PPIP5K2: variants seen among roughly 807,000 people sequenced by gnomAD.
The protein encoded by PPIP5K2 is diphosphoinositol pentakisphosphate kinase 2, also known as inositol hexakisphosphate and diphosphoinositol-pentakisphosphate kinase 2.
Under a neutral mutation model 154.6 loss-of-function variants are expected in PPIP5K2, and 105 were observed. The ratio of observed to expected loss-of-function variants is 0.68; its 90% CI spans 0.58 to 0.80. The LOEUF (loss-of-function observed/expected upper bound fraction) is 0.80, where lower values mean the gene tolerates loss of function less well. Among genes scored for constraint, PPIP5K2 ranks in the 30% least tolerant of loss-of-function variants. The probability of loss-of-function intolerance (pLI) is 0.00; values close to 1 mark genes in which losing one functional copy is unlikely to be tolerated. For synonymous variants in PPIP5K2, 480 were observed against 490.3 expected (o/e 0.98, Z 0.28); for missense variants, 992 against 1,504.6 (o/e 0.66, Z 5.64).
intron 8 of PPIP5K2, among the ~76,000 whole-genome samples, chr5:103,150,182 TTAAATAA>T (rs1489684690): frequency 6.6e-6 from 1 of 152,242 alleles, no homozygotes; most frequent in Non-Finnish European, 1.5e-5. Flanking sequence ...TTACTGGTTG[TTAAATAA>T]TAAATAATTA....
intron 3 of PPIP5K2, 124 bp downstream of exon 3, chr5:103,133,772 T>A: frequency 1.4e-6 from 1 of 697,646 alleles, no homozygotes; most frequent in Non-Finnish European, 2.1e-6. Flanking sequence ...GGACAGGTAA[T>A]ATTAACATTG....
chr5:103,142,090 G>C (rs1226290130), intron 5 of PPIP5K2, among the ~76,000 whole-genome samples: 2 of 152,210 alleles, frequency 1.3e-5, no homozygotes, highest in Admixed American at 6.5e-5. Flanking sequence ...AGGGGGTGGT[G>C]CTCGTTGGGG....
intron 6 of PPIP5K2, 23 bp from the exon 7 acceptor site, chr5:103,147,908 C>A: frequency 1.4e-6 from 2 of 1,457,696 alleles, no homozygotes; most frequent in South Asian, 1.3e-5. Context: ...TTTTTTATAT[C>A]GATGGACATC....
At chr5:103,178,124 A>G (rs1264246430) in intron 23 of PPIP5K2, 144 bp downstream of exon 23, 51 of 633,504 alleles carry the variant, frequency 8.1e-5, no homozygotes, top group Non-Finnish European at 1.3e-4. Context: ...TTAAAGTGTG[A>G]TTTGTATAGA....
intron 9 of PPIP5K2, among the ~76,000 whole-genome samples, chr5:103,152,030 T>C (rs929755955): frequency 1.8e-4 from 28 of 152,032 alleles, no homozygotes; most frequent in Non-Finnish European, 3.8e-4. Flanking sequence ...ACTGGTTAAG[T>C]ATCCCTTATC....
At position 103,202,484 on chromosome 5, in the gene PPIP5K2, A is replaced by G. The variant is rs1803166042; in HGVS notation, c.*850A>G. 6.6e-6 allele frequency: 1 copy of G among 152,136 alleles called. No homozygotes were observed. The highest frequency in any genetic ancestry group is 1.5e-5 in the Non-Finnish European group (1 of 68,008). 9.4% of individuals were successfully genotyped at this position (152,136 alleles called of 1,614,324 possible). A position where few individuals can be genotyped will look rare whatever the true frequency, so the allele number is the denominator to read the frequency against. Reference sequence around the variant, plus strand: ...GTCAGTTCAAAAATGGAAATCAACAATGTTAGGAGAAATCTGAATTCTGTT... The same window carrying G: ...GTCAGTTCAAAAATGGAAATCAACAGTGTTAGGAGAAATCTGAATTCTGTT... On this transcript the variant is annotated 3_prime_UTR_variant, in exon 31 of 31. Transcript: ENST00000358359.
intron 28 of PPIP5K2, chr5:103,189,264 GC>G: frequency 6.9e-7 from 1 of 1,452,216 alleles, no homozygotes. Context: ...CAGCAGGGTG[GC>G]TTTTTAAATT....
chr5:103,132,517 G>A (rs1455389496), intron 2 of PPIP5K2, among the ~76,000 whole-genome samples: 1 of 152,074 alleles, frequency 6.6e-6, no homozygotes, highest in East Asian at 1.9e-4. Flanking sequence ...CTGCACTCCA[G>A]CCTGGGCGAC....
intron 23 of PPIP5K2, among the ~76,000 whole-genome samples, chr5:103,178,938 AT>A (rs1266047180): frequency 1.3e-5 from 2 of 151,748 alleles, no homozygotes; most frequent in African/African-American, 4.8e-5. Flanking sequence ...TTTAAATTTC[AT>A]TTTTTGTTTT....
In PPIP5K2 at chr5:103,129,471, A is replaced by G; in HGVS notation, c.-119A>G. The G allele has an allele frequency of 1.4e-6, 1 of 695,284 alleles. No individual in the cohort carries two copies. The highest frequency in any genetic ancestry group is 2.2e-6 in the Non-Finnish European group (1 of 458,796). 43.1% of individuals were successfully genotyped at this position (695,284 alleles called of 1,614,324 possible). On this transcript the variant is annotated 5_prime_UTR_variant, in exon 2 of 31. Transcript: ENST00000358359. ...TCAAGTGATTGTATAAGCAGAAACA[A>G]GCTGTCACAGACCTGTGCGTCAGCT... is the stretch of plus-strand genomic sequence containing the variant.
chr5:103,181,286 G>T (rs1192508310), intron 24 of PPIP5K2, among the ~76,000 whole-genome samples: 1 of 151,964 alleles, frequency 6.6e-6, no homozygotes, highest in East Asian at 1.9e-4. Context: ...AAGGAAGAGG[G>T]GCCTGGCGTG....
chr5:103,126,498 AG>A (rs1789699668), intron 1 of PPIP5K2, among the ~76,000 whole-genome samples: 1 of 152,224 alleles, frequency 6.6e-6, no homozygotes, highest in South Asian at 2.1e-4. Context: ...TGTATTAGTC[AG>A]GGTTCTCTAG....
intron 5 of PPIP5K2, among the ~76,000 whole-genome samples, chr5:103,145,946 G>A (rs1554209009): frequency 6.6e-6 from 1 of 152,016 alleles, no homozygotes; most frequent in African/African-American, 2.4e-5. Context: ...ATTCCAGTTT[G>A]ATTATTACAC....
At chr5:103,163,906 T>C (rs1371269403) in intron 17 of PPIP5K2, among the ~76,000 whole-genome samples, 4 of 152,098 alleles carry the variant, frequency 2.6e-5, no homozygotes, top group South Asian at 4.1e-4. Context: ...GATTGGCCTT[T>C]ACTTTTTTAT....
rs551730696 is a variant in PPIP5K2, at chr5:103,170,546, T to C, written c.2286+2251T>C. 5.3e-5 allele frequency among the ~76,000 whole-genome samples: 8 copies of C among 151,710 alleles called. No homozygotes were observed. The Admixed American group carries it at 5.3e-4, about 10-fold the overall frequency. On this transcript the variant is annotated intron_variant, in intron 19 of 30. Coordinates refer to ENST00000358359, the MANE Select transcript of PPIP5K2 (RefSeq NM_001276277.3). ...ATAGTTTTAAAACAAAAGGTCTTTTTATATGCTTCCCTGGTGTCCTGAGAT... is the reference window on the plus strand; with the variant it reads ...ATAGTTTTAAAACAAAAGGTCTTTTCATATGCTTCCCTGGTGTCCTGAGAT...
rs1477804383 is a variant in PPIP5K2, at chr5:103,208,013, TTTTG to T, written c.*6387_*6390del. The T allele has an allele frequency of 3.5e-5, 5 of 142,240 alleles. No homozygotes were observed. Among genetic ancestry groups the T allele is most frequent in the African/African-American group, 1.2e-4 (5 of 41,042 alleles). 8.8% of individuals were successfully genotyped at this position (142,240 alleles called of 1,614,324 possible). A position where few individuals can be genotyped will look rare whatever the true frequency, so the allele number is the denominator to read the frequency against. On this transcript the variant is annotated 3_prime_UTR_variant, in exon 31 of 31. Transcript: ENST00000358359. ...GCTCATCTATTTGATACAATTTCTT[TTTTG>T]TTTGTTTTTGTTTTGTTTTTGTTGT...
At position 103,120,316 on chromosome 5, in the gene PPIP5K2, T is replaced by C; in HGVS notation, c.-457T>C. The C allele has an allele frequency of 2.4e-6, 1 of 420,846 alleles. No homozygotes were observed. Among genetic ancestry groups the C allele is most frequent in the South Asian group, 1.6e-5 (1 of 60,684 alleles). The allele number at this position is 420,846 out of a possible 1,614,324, so 26.1% of individuals were successfully genotyped here. A position where few individuals can be genotyped will look rare whatever the true frequency, so the allele number is the denominator to read the frequency against. On this transcript the variant is annotated 5_prime_UTR_variant, in exon 1 of 31. Transcript: ENST00000358359. Reference sequence around the variant, plus strand: ...TTCCTGAGGTGTAGTAGCCTGAGGTTCCCTTATGTGGCCCTATAGCTGTTA... The same window carrying C: ...TTCCTGAGGTGTAGTAGCCTGAGGTCCCCTTATGTGGCCCTATAGCTGTTA...
At chr5:103,191,174 A>C (rs1554226832) in intron 29 of PPIP5K2, 192 bp downstream of exon 29, 3 of 428,510 alleles carry the variant, frequency 7.0e-6, no homozygotes, top group Non-Finnish European at 1.2e-5. Flanking sequence ...ACTCTGCCAA[A>C]ATCTTTTCTT....
intron 30 of PPIP5K2, 77 bp from the exon 31 acceptor site, chr5:103,201,445 C>A: frequency 1.3e-6 from 1 of 779,402 alleles, no homozygotes; most frequent in Non-Finnish European, 2.1e-6. Flanking sequence ...TTTTGTCAAT[C>A]AGCAGTATTA....
Sources: allele counts gnomAD v4.1 joint callset (sites outside exome capture counted in the v4.1 genomes callset), GRCh38; gene constraint gnomAD v4.1.1; transcripts MANE v1.5; gene names NCBI Gene and HGNC (gene_info 2026-07-23, HGNC 2026-07-21).